The following DMRTB1 variants were observed in gnomAD, a reference collection of about 807,000 sequenced individuals.
DMRTB1 encodes doublesex- and mab-3-related transcription factor B1.
A neutral mutation model predicts 25.2 loss-of-function variants in DMRTB1; 9 were observed. The observed-to-expected ratio is 0.36, with a 90% CI of 0.22 to 0.62. The LOEUF is 0.62. DMRTB1 is among the 20% of genes least tolerant of loss of function. The pLI is 0.71. For missense variants in DMRTB1, 551 were observed against 499.3 expected, an observed-to-expected ratio of 1.10 and a Z score of -0.99; for synonymous variants, 269 against 238.1, an observed-to-expected ratio of 1.13 and a Z score of -1.20.
At chr1:53,463,395 G>A (rs1327354749) in intron 2 of DMRTB1, among the ~76,000 whole-genome samples, 2 of 152,110 alleles carry the variant, frequency 1.3e-5, no homozygotes, top group Non-Finnish European at 2.9e-5. Flanking sequence ...CTCCCCCGTC[G>A]TGTCCCAGCC....
chr1:53,461,458 G>C lies in DMRTB1; in HGVS notation c.578-15G>C. The stretch of plus-strand genomic sequence containing the variant: ...AGCGGTGTCTAACACTTCCCTCCTT[G>C]CTTGCGTTCTTTAGTGCGCCCTCTG... On this transcript the variant is annotated splice_polypyrimidine_tract_variant and intron_variant, in intron 1 of 3. Transcript: ENST00000371445. 6.4e-7 allele frequency: 1 copy of C among 1,561,736 alleles called. No individual in the cohort carries two copies. The highest frequency in any genetic ancestry group is 8.7e-7 in the Non-Finnish European group (1 of 1,150,310).
chr1:53,461,681 C>T (rs776946257), intron 2 of DMRTB1, 36 bp downstream of exon 2: 1 of 1,515,498 alleles, frequency 6.6e-7, no homozygotes, highest in Non-Finnish European at 8.8e-7. Context: ...CAGCTTCCTC[C>T]ACCCAGTCTG....
rs775804209 is a variant in DMRTB1 at position 53,459,437 on chromosome 1, G to A, written c.-17G>A. On this transcript the variant is annotated 5_prime_UTR_variant, in exon 1 of 4. Transcript: ENST00000371445. ...CTCCCAGAGGTGGTGGTTGTGTTAC[G>A]AAGGCTGACCCTGCCAATGGCCGAC... is the stretch of plus-strand genomic sequence containing the variant. 4 of 1,612,852 alleles carry A rather than the reference G, an allele frequency of 2.5e-6. No homozygotes were observed. Among genetic ancestry groups the A allele is most frequent in the Non-Finnish European group, 2.5e-6 (3 of 1,179,944 alleles).
intron 1 of DMRTB1, chr1:53,460,341 T>G (rs2100636378): frequency 3.7e-6 from 1 of 267,444 alleles, no homozygotes; most frequent in Admixed American, 5.4e-5. Context: ...CGGGGGAGGC[T>G]TCGAGGAGCC....
In DMRTB1 at chr1:53,459,620, T is replaced by A. The variant is rs768540318; in HGVS notation, c.167T>A (p.Leu56His). ...AAGATCATGGCCGCGCAGAAGGTGC[T>A]CAAGACGCAGGCCGCCGAGGAGGAG... ...RQKIMAAQKV[L>H]KTQAAEEEQE... The change falls in exon 1 of 4, where the codon CTC becomes CAC. Residue 56 changes from leucine to histidine, a missense_variant. Leu to His is a moderately conservative substitution (Grantham distance 99, BLOSUM62 -3). Transcript: ENST00000371445. The A allele has an allele frequency of 1.3e-6, 2 of 1,576,446 alleles. No homozygotes were observed. The highest frequency in any genetic ancestry group is 2.3e-5 in the East Asian group (1 of 42,840).
intron 2 of DMRTB1, among the ~76,000 whole-genome samples, chr1:53,462,160 A>T (rs1644026436): frequency 6.6e-6 from 1 of 152,242 alleles, no homozygotes; most frequent in Non-Finnish European, 1.5e-5. Flanking sequence ...ATACCTGTTG[A>T]AAGAATGAAA....
At chr1:53,460,264 T>C in intron 1 of DMRTB1, 1 of 528,012 alleles carries the variant, frequency 1.9e-6, no homozygotes, top group Non-Finnish European at 3.1e-6. Flanking sequence ...CATTTAGCTG[T>C]AGTTTGTGCC....
chr1:53,462,352 C>T (rs1396953810), intron 2 of DMRTB1, among the ~76,000 whole-genome samples: 3 of 152,064 alleles, frequency 2.0e-5, no homozygotes, highest in Admixed American at 1.3e-4. Flanking sequence ...CTAAAAGCCC[C>T]CTCTCTCCTT....
At chr1:53,462,506 T>A (rs61089374) in intron 2 of DMRTB1, among the ~76,000 whole-genome samples, 2,948 of 152,326 alleles carry the variant, frequency 0.019, 104 homozygotes, top group African/African-American at 0.068. Context: ...TCTTAGATGT[T>A]GTGAGATTGT....
At chr1:53,465,643 A>G (rs1644046541) in intron 3 of DMRTB1, among the ~76,000 whole-genome samples, 1 of 150,502 alleles carries the variant, frequency 6.6e-6, no homozygotes, top group Non-Finnish European at 1.5e-5. Context: ...TGGTATCACC[A>G]TTTTACTGAA....
chr1:53,465,423 C>T (rs1644045608), intron 3 of DMRTB1, among the ~76,000 whole-genome samples: 1 of 152,166 alleles, frequency 6.6e-6, no homozygotes, highest in Non-Finnish European at 1.5e-5. Flanking sequence ...TAAAAGGGGC[C>T]CCCTTACTAG....
intron 2 of DMRTB1, among the ~76,000 whole-genome samples, chr1:53,464,316 C>T (rs183632449): frequency 1.3e-5 from 2 of 152,304 alleles, no homozygotes; most frequent in East Asian, 3.9e-4. Context: ...TTCATAATTA[C>T]AGCAAGAATA....
intron 2 of DMRTB1, among the ~76,000 whole-genome samples, chr1:53,464,156 G>T (rs1428781258): frequency 6.6e-6 from 1 of 152,190 alleles, no homozygotes; most frequent in African/African-American, 2.4e-5. Flanking sequence ...GTTGGGATGC[G>T]TTCAGACCCT....
Position 53,466,552 on chromosome 1 carries a change from T to A in DMRTB1, c.962-43T>A, listed in dbSNP as rs772101185. The A allele has an allele frequency of 3.2e-6, 5 of 1,575,886 alleles. No homozygotes were observed. In the East Asian group the frequency reaches 1.1e-4, roughly 35 times the overall value. ...TCATCTGCAAATAGGTAGTTGTAAT[T>A]TTCGCTCTTTCTAAATCCAGCTACC... On this transcript the variant is annotated intron_variant, in intron 3 of 3. Transcript: ENST00000371445.
At chr1:53,461,165 C>T (rs1038787821) in intron 1 of DMRTB1, among the ~76,000 whole-genome samples, 3 of 152,016 alleles carry the variant, frequency 2.0e-5, no homozygotes, top group Admixed American at 1.3e-4. Context: ...CACTGTGACC[C>T]GGAGGAGGAG....
chr1:53,459,669 G>C lies in DMRTB1; in HGVS notation c.216G>C (p.Gln72His). Residue 72 changes from glutamine to histidine, a missense_variant, in exon 1 of 4, where the codon CAG becomes CAC. Physicochemically the swap from Gln to His is conservative, Grantham distance 24 (BLOSUM62 0). Coordinates refer to ENST00000371445, the MANE Select transcript of DMRTB1 (RefSeq NM_033067.3). Reference protein sequence around the residue: ...EEEQEAALCAQGPKQASGAAA... With the variant: ...EEEQEAALCAHGPKQASGAAA... ...AGCAGGAGGCGGCCCTGTGTGCGCAGGGGCCCAAGCAGGCCTCCGGGGCTG... is the reference window on the plus strand; with the variant it reads ...AGCAGGAGGCGGCCCTGTGTGCGCACGGGCCCAAGCAGGCCTCCGGGGCTG... The C allele has an allele frequency of 6.5e-7, 1 of 1,547,488 alleles. No homozygotes were observed. The highest frequency in any genetic ancestry group is 1.2e-5 in the South Asian group (1 of 84,014).
Position 53,466,577 on chromosome 1 carries a change from C to G in DMRTB1, c.962-18C>G. On this transcript the variant is annotated intron_variant, in intron 3 of 3. Coordinates refer to ENST00000371445, the MANE Select transcript of DMRTB1 (RefSeq NM_033067.3). ...TTTCGCTCTTTCTAAATCCAGCTAC[C>G]TTCTTTGTCCTTCACAGATGACCAG... is the stretch of plus-strand genomic sequence containing the variant. 6.2e-7 allele frequency: 1 copy of G among 1,611,098 alleles called. No homozygotes were observed. Among genetic ancestry groups the G allele is most frequent in the Non-Finnish European group, 8.5e-7 (1 of 1,179,162 alleles).
intron 1 of DMRTB1, 163 bp downstream of exon 1, chr1:53,460,193 T>A: frequency 9.5e-7 from 1 of 1,054,488 alleles, no homozygotes; most frequent in Non-Finnish European, 1.3e-6. Flanking sequence ...TTGGATTGGG[T>A]AACTTTTCGC....
In DMRTB1 at chr1:53,459,979, G is replaced by C. The variant is rs541348364; in HGVS notation, c.526G>C (p.Asp176His). 2 of 1,585,120 alleles carry C rather than the reference G, an allele frequency of 1.3e-6. No individual in the cohort carries two copies. The highest frequency in any genetic ancestry group is 2.2e-5 in the South Asian group (2 of 89,344). ...AGGCAGTGGCTACCCTGGCCCCCTAGACCTGCGCAGGCCGATGCGGACCGT... is the reference window on the plus strand; with the variant it reads ...AGGCAGTGGCTACCCTGGCCCCCTACACCTGCGCAGGCCGATGCGGACCGT... Reference protein sequence around the residue: ...AAGSGYPGPLDLRRPMRTVPG... With the variant: ...AAGSGYPGPLHLRRPMRTVPG... Residue 176 changes from aspartate (D) to histidine (H), a missense_variant, in exon 1 of 4, where the codon GAC (aspartate) becomes CAC (histidine). Asp to His is a moderately conservative substitution (Grantham distance 81). Coordinates refer to ENST00000371445, the MANE Select transcript of DMRTB1 (RefSeq NM_033067.3).
Sources: allele counts gnomAD v4.1 joint callset (sites outside exome capture counted in the v4.1 genomes callset), GRCh38; gene constraint gnomAD v4.1.1; transcripts MANE v1.5; gene names NCBI Gene and HGNC (gene_info 2026-07-23, HGNC 2026-07-21).